CACNA2D1: variants seen among roughly 807,000 people sequenced by gnomAD.
The protein encoded by CACNA2D1 is calcium voltage-gated channel auxiliary subunit alpha2delta 1.
Under a neutral mutation model 171.5 loss-of-function variants are expected in CACNA2D1, and 53 were observed. The ratio of observed to expected loss-of-function variants is 0.31; its 90% CI spans 0.25 to 0.39. CACNA2D1 has a LOEUF of 0.39. Ranked by LOEUF, CACNA2D1 falls within the 10% of genes least tolerant of loss-of-function variation. The probability of loss-of-function intolerance (pLI) is 1.00; values close to 1 mark genes in which losing one functional copy is unlikely to be tolerated. For synonymous variants in CACNA2D1, 442 were observed against 443.1 expected, an observed-to-expected ratio of 1.00 and a Z score of 0.03; for missense variants, 903 against 1,299.8, an observed-to-expected ratio of 0.69 and a Z score of 4.69.
chr7:82,181,971 AATTTATT>A (rs1797182300), intron 3 of CACNA2D1, among the ~76,000 whole-genome samples: 1 of 152,202 alleles, frequency 6.6e-6, no homozygotes. Context: ...AATGTCCTAA[AATTTATT>A]AATTTGCATT....
chr7:82,036,186 G>A (rs1216617576), intron 11 of CACNA2D1, among the ~76,000 whole-genome samples: 1 of 152,074 alleles, frequency 6.6e-6, no homozygotes, highest in East Asian at 1.9e-4. Context: ...CCCATGCCAT[G>A]CTCCTTAATA....
intron 10 of CACNA2D1, among the ~76,000 whole-genome samples, chr7:82,041,636 A>C (rs772566303): frequency 7.9e-5 from 12 of 152,224 alleles, no homozygotes; most frequent in Non-Finnish European, 1.8e-4. Context: ...ACTGTTTTCT[A>C]TAAATTCAAA....
chr7:81,990,136 A>T (rs1410982422), intron 21 of CACNA2D1, among the ~76,000 whole-genome samples: 1 of 152,190 alleles, frequency 6.6e-6, no homozygotes, highest in South Asian at 2.1e-4. Context: ...CAGGTATTAG[A>T]AACATCATCT....
chr7:82,376,356 C>T (rs891513519), intron 1 of CACNA2D1, among the ~76,000 whole-genome samples: 1 of 152,180 alleles, frequency 6.6e-6, no homozygotes, highest in African/African-American at 2.4e-5. Flanking sequence ...CTGACAATGA[C>T]AACCTAACAC....
intron 10 of CACNA2D1, among the ~76,000 whole-genome samples, chr7:82,057,897 A>T (rs1023467737): frequency 6.6e-6 from 1 of 152,262 alleles, no homozygotes. Flanking sequence ...CTAAATCTAG[A>T]AGTCCACCAT....
intron 3 of CACNA2D1, among the ~76,000 whole-genome samples, chr7:82,206,916 T>C (rs1187734668): frequency 6.6e-6 from 1 of 152,204 alleles, no homozygotes; most frequent in Non-Finnish European, 1.5e-5. Context: ...TTTTTAACCA[T>C]ATAACATTAG....
intron 5 of CACNA2D1, among the ~76,000 whole-genome samples, chr7:82,131,453 TG>T (rs1425495286): frequency 6.6e-6 from 1 of 152,068 alleles, no homozygotes; most frequent in East Asian, 1.9e-4. Flanking sequence ...TGTTGCTGGG[TG>T]GGGCTCTGTC....
At chr7:82,440,421 C>A (rs913043832) in intron 1 of CACNA2D1, among the ~76,000 whole-genome samples, 1 of 151,920 alleles carries the variant, frequency 6.6e-6, no homozygotes, top group Non-Finnish European at 1.5e-5. Context: ...AAACGGACAA[C>A]TACCCTTTTT....
At position 82,014,516 on chromosome 7, in the gene CACNA2D1, A is replaced by G. The variant is rs998625223; in HGVS notation, c.1144-37T>C. 11 of 1,075,242 alleles carry G rather than the reference A, an allele frequency of 1.0e-5. No homozygotes were observed. The African/African-American group carries it at 1.7e-4, about 17-fold the overall frequency. 66.6% of individuals were successfully genotyped at this position (1,075,242 alleles called of 1,614,324 possible). A position where few individuals can be genotyped will look rare whatever the true frequency, so the allele number is the denominator to read the frequency against. ...GAAAAATAGGTATTCATTAGGCTGA[A>G]TAAAATTTAATTCAATGGCAAAATA... On this transcript the variant is annotated intron_variant, in intron 12 of 38. Coordinates refer to ENST00000356860, the MANE Select transcript of CACNA2D1 (RefSeq NM_000722.4).
intron 1 of CACNA2D1, among the ~76,000 whole-genome samples, chr7:82,419,432 T>C (rs1204358957): frequency 2.0e-5 from 3 of 152,132 alleles, no homozygotes; most frequent in Non-Finnish European, 4.4e-5. Context: ...ATAGCCTAAT[T>C]TCCGCTCCAG....
chr7:82,032,779 T>C lies in CACNA2D1; in HGVS notation c.1143+18A>G. 7.6e-7 allele frequency: 1 copy of C among 1,315,564 alleles called. No individual in the cohort carries two copies. The highest frequency in any genetic ancestry group is 1.1e-6 in the Non-Finnish European group (1 of 923,030). The allele number at this position is 1,315,564 out of a possible 1,614,324, so 81.5% of individuals were successfully genotyped here. A position where few individuals can be genotyped will look rare whatever the true frequency, so the allele number is the denominator to read the frequency against. ...CTAGATCATTATTAAAATTTAAATA[T>C]TATAAAATTACACTCACTTTTTTAT... On this transcript the variant is annotated intron_variant, in intron 12 of 38. Transcript: ENST00000356860.
chr7:81,953,305 C>T (rs549351476), intron 38 of CACNA2D1, among the ~76,000 whole-genome samples: 41 of 152,202 alleles, frequency 2.7e-4, no homozygotes, highest in Non-Finnish European at 4.1e-4. Context: ...TGACATTTCT[C>T]ATCATTCTCA....
At chr7:82,406,818 T>C (rs1212095743) in intron 1 of CACNA2D1, among the ~76,000 whole-genome samples, 1 of 152,108 alleles carries the variant, frequency 6.6e-6, no homozygotes, top group Non-Finnish European at 1.5e-5. Context: ...TCTTTATCTG[T>C]TTCAATCTTA....
At chr7:81,969,106 G>A in intron 28 of CACNA2D1, 133 bp from the exon 29 acceptor site, 1 of 631,650 alleles carries the variant, frequency 1.6e-6, no homozygotes, top group Non-Finnish European at 2.8e-6. Flanking sequence ...AAATGTTTGT[G>A]CTCTCCTTCC....
At chr7:82,074,917 G>A (rs780920038) in intron 7 of CACNA2D1, among the ~76,000 whole-genome samples, 2 of 151,742 alleles carry the variant, frequency 1.3e-5, no homozygotes, top group African/African-American at 2.4e-5. Flanking sequence ...CAATGTGCAG[G>A]TTTGTTACAT....
chr7:82,041,787 T>C (rs1031773431), intron 10 of CACNA2D1, among the ~76,000 whole-genome samples: 3 of 152,196 alleles, frequency 2.0e-5, no homozygotes, highest in Non-Finnish European at 4.4e-5. Context: ...TTTCCCTGTA[T>C]TGGTAAGTAA....
intron 3 of CACNA2D1, among the ~76,000 whole-genome samples, chr7:82,326,283 G>A (rs1239708062): frequency 6.6e-6 from 1 of 152,106 alleles, no homozygotes; most frequent in Non-Finnish European, 1.5e-5. Flanking sequence ...CTTCACATTT[G>A]CTTATATCAA....
intron 3 of CACNA2D1, among the ~76,000 whole-genome samples, chr7:82,248,733 T>C (rs1235386382): frequency 6.6e-5 from 10 of 151,950 alleles, no homozygotes; most frequent in Admixed American, 6.6e-4. Flanking sequence ...TATAGTACCA[T>C]TGGGGAAGAA....
intron 10 of CACNA2D1, among the ~76,000 whole-genome samples, chr7:82,042,798 CATG>C (rs1804119099): frequency 6.6e-6 from 1 of 152,160 alleles, no homozygotes; most frequent in Admixed American, 6.5e-5. Context: ...ACTCAGTCCT[CATG>C]AAAGTTTTCA....
Sources: allele counts gnomAD v4.1 joint callset (sites outside exome capture counted in the v4.1 genomes callset), GRCh38; gene constraint gnomAD v4.1.1; transcripts MANE v1.5; gene names NCBI Gene and HGNC (gene_info 2026-07-23, HGNC 2026-07-21).